GHR: variants seen among roughly 807,000 people sequenced by gnomAD.
The protein encoded by GHR is growth hormone receptor.
Under a neutral mutation model 67.1 loss-of-function variants are expected in GHR, and 35 were observed. The ratio of observed to expected loss-of-function variants is 0.52; its 90% CI spans 0.40 to 0.69. The LOEUF is 0.69. Ranked by LOEUF, GHR falls within the 30% of genes least tolerant of loss-of-function variation. GHR has a pLI of 0.00. For synonymous variants in GHR, 272 were observed against 269.1 expected (o/e 1.01, Z -0.10); for missense variants, 792 against 764.6 (o/e 1.04, Z -0.42).
intron 1 of GHR, chr5:42,548,141 A>C: frequency 1.0e-6 from 1 of 984,538 alleles, no homozygotes; most frequent in Non-Finnish European, 1.2e-6. Context: ...CCAGAGATGT[A>C]CTGGGCAAAG....
rs1324152930 is a variant in GHR, at chr5:42,424,710, G to C, written c.-12+755G>C. ...AACTGCCAGAGGCTGCGGGTCAATGGGGTGGCCGCGTGTCTAGGGAGAGGG... is the reference window on the plus strand; with the variant it reads ...AACTGCCAGAGGCTGCGGGTCAATGCGGTGGCCGCGTGTCTAGGGAGAGGG... On this transcript the variant is annotated intron_variant, in intron 1 of 9. Coordinates refer to ENST00000230882, the MANE Select transcript of GHR (RefSeq NM_000163.5). This position sits in a 1 kb window ranked among gnomAD's most constrained non-coding sequence, Gnocchi z 4.1. 2.8e-6 allele frequency: 3 copies of C among 1,088,852 alleles called. No homozygotes were observed. Among genetic ancestry groups the C allele is most frequent in the Non-Finnish European group, 2.7e-6 (2 of 738,460 alleles). The allele number at this position is 1,088,852 out of a possible 1,614,324, so 67.4% of individuals were successfully genotyped here.
Position 42,712,384 on chromosome 5 carries a change from CAT to C in GHR, c.784+1017_784+1018del, listed in dbSNP as rs538740947. ...GTGTAGTGGCATTTAATTCACTTAACATATATTTTTTAAACTGCCTTTTCCTT... is the reference window on the plus strand; with the variant it reads ...GTGTAGTGGCATTTAATTCACTTAACATATTTTTTAAACTGCCTTTTCCTT... On this transcript the variant is annotated intron_variant, in intron 7 of 9. Transcript: ENST00000230882. Among the ~76,000 whole-genome samples the C allele has an allele frequency of 2.6e-5, 4 of 152,124 alleles. No homozygotes were observed. In the South Asian group the frequency reaches 8.3e-4, roughly 32 times the overall value.
rs144927116 is a variant in GHR at position 42,702,856 on chromosome 5, A to T, written c.618+2854A>T. Among the ~76,000 whole-genome samples the T allele has an allele frequency of 1.6e-3, 245 of 152,028 alleles. 2 individuals carry two copies. Among genetic ancestry groups the T allele is most frequent in the African/African-American group, 5.5e-3 (228 of 41,514 alleles). ...TTTCATATACCTGTTGGCCATTTCTATATCTTCTTTTTAAAAATTTATATT... is the reference window on the plus strand; with the variant it reads ...TTTCATATACCTGTTGGCCATTTCTTTATCTTCTTTTTAAAAATTTATATT... On this transcript the variant is annotated intron_variant, in intron 6 of 9. Coordinates refer to ENST00000230882, the MANE Select transcript of GHR (RefSeq NM_000163.5).
intron 3 of GHR, among the ~76,000 whole-genome samples, chr5:42,638,418 A>G (rs750733755): frequency 6.6e-6 from 1 of 152,228 alleles, no homozygotes; most frequent in Non-Finnish European, 1.5e-5. Flanking sequence ...TAAGAAATGC[A>G]TAATTAGGTA....
intron 3 of GHR, among the ~76,000 whole-genome samples, chr5:42,676,734 C>T (rs1027553510): frequency 2.6e-5 from 4 of 152,200 alleles, no homozygotes; most frequent in African/African-American, 9.7e-5. Context: ...GCAGCATCCA[C>T]TCAGGACAGG....
At chr5:42,685,146 G>A (rs1327312909) in intron 3 of GHR, among the ~76,000 whole-genome samples, 6 of 151,946 alleles carry the variant, frequency 3.9e-5, no homozygotes, top group African/African-American at 1.5e-4. Context: ...CCCTGTGTAT[G>A]TGTGTTCTCA....
rs141451371 is a variant in GHR, at chr5:42,701,165, C to T, written c.618+1163C>T. ...ATACACTAAAATATTATTTTATTAA[C>T]TATGTTGAAATTTAACTTAATGGCA... On this transcript the variant is annotated intron_variant, in intron 6 of 9. Coordinates refer to ENST00000230882, the MANE Select transcript of GHR (RefSeq NM_000163.5). Among the ~76,000 whole-genome samples the T allele has an allele frequency of 8.5e-5, 13 of 152,218 alleles. 3 individuals are homozygous for T. Among genetic ancestry groups the T allele is most frequent in the African/African-American group, 3.1e-4 (13 of 41,532 alleles).
chr5:42,721,425 T>A lies in GHR; in HGVS notation c.*2001T>A, dbSNP rs999616613. On this transcript the variant is annotated 3_prime_UTR_variant, in exon 10 of 10. Coordinates refer to ENST00000230882, the MANE Select transcript of GHR (RefSeq NM_000163.5). ...ATGGCTGATAATTTTAAATTCTCTCTCTTGCAGGAAGGACTATGAAAAGCT... is the reference window on the plus strand; with the variant it reads ...ATGGCTGATAATTTTAAATTCTCTCACTTGCAGGAAGGACTATGAAAAGCT... 6.6e-6 allele frequency: 1 copy of A among 152,318 alleles called. No individual in the cohort carries two copies. Among genetic ancestry groups the A allele is most frequent in the Non-Finnish European group, 1.5e-5 (1 of 68,034 alleles). The allele number at this position is 152,318 out of a possible 1,614,324, so 9.4% of individuals were successfully genotyped here. A position where few individuals can be genotyped will look rare whatever the true frequency, so the allele number is the denominator to read the frequency against.
At chr5:42,589,667 G>C (rs964012522) in intron 2 of GHR, among the ~76,000 whole-genome samples, 2 of 152,068 alleles carry the variant, frequency 1.3e-5, no homozygotes, top group African/African-American at 4.8e-5. Flanking sequence ...TTTTCTTTTA[G>C]TGCATTGTGA....
intron 1 of GHR, among the ~76,000 whole-genome samples, chr5:42,457,094 T>C (rs1287543693): frequency 2.6e-5 from 4 of 152,192 alleles, no homozygotes; most frequent in African/African-American, 9.6e-5. Context: ...TGATTTACTG[T>C]GGGAAGTCTC....
chr5:42,475,906 A>AT (rs1355302877), intron 1 of GHR, among the ~76,000 whole-genome samples: 16 of 137,768 alleles, frequency 1.2e-4, no homozygotes, highest in Admixed American at 5.0e-4. Context: ...TCAGATTAAA[A>AT]ATTTTTTTTT....
intron 3 of GHR, chr5:42,647,648 C>T (rs1177856365): frequency 1.8e-5 from 8 of 448,430 alleles, no homozygotes; most frequent in Non-Finnish European, 3.6e-5. Context: ...TCATTTACTT[C>T]TAGGAGTCTT....
chr5:42,647,093 A>G (rs972105706), intron 3 of GHR, among the ~76,000 whole-genome samples: 13 of 152,186 alleles, frequency 8.5e-5, no homozygotes, highest in Non-Finnish European at 4.4e-5. Flanking sequence ...AGCTTTGACT[A>G]TAATTATAGT....
chr5:42,495,866 A>G (rs556546200), intron 1 of GHR, among the ~76,000 whole-genome samples: 85 of 152,286 alleles, frequency 5.6e-4, no homozygotes, highest in African/African-American at 2.0e-3. Flanking sequence ...GGCCATCATG[A>G]AAAACTTTCC....
intron 2 of GHR, among the ~76,000 whole-genome samples, chr5:42,585,283 T>C (rs886456998): frequency 3.3e-5 from 5 of 152,258 alleles, no homozygotes; most frequent in South Asian, 2.1e-4. Flanking sequence ...TTCTTTCTTG[T>C]AGTTTTTCTG....
chr5:42,602,930 T>C (rs1184390188), intron 2 of GHR, among the ~76,000 whole-genome samples: 1 of 152,180 alleles, frequency 6.6e-6, no homozygotes, highest in Admixed American at 6.5e-5. Flanking sequence ...ACTGTTATAG[T>C]AATACAGTAT....
At chr5:42,623,831 A>G (rs1374326580) in intron 2 of GHR, among the ~76,000 whole-genome samples, 2 of 152,196 alleles carry the variant, frequency 1.3e-5, no homozygotes, top group Non-Finnish European at 2.9e-5. Flanking sequence ...GATCATAACC[A>G]AGACCACAGT....
chr5:42,453,243 G>A (rs67871277), intron 1 of GHR, among the ~76,000 whole-genome samples: 26,734 of 151,942 alleles, frequency 0.18, 2,650 homozygotes, highest in Non-Finnish European at 0.21. Context: ...TGAATTCTCT[G>A]TCTCCTGTGA....
intron 1 of GHR, among the ~76,000 whole-genome samples, chr5:42,435,564 A>C (rs1415781766): frequency 6.6e-6 from 1 of 152,148 alleles, no homozygotes; most frequent in Non-Finnish European, 1.5e-5. Flanking sequence ...AAGTTGCAAA[A>C]ATTTTAGAGG....
Sources: gnomAD v4.1 joint callset for allele counts (sites outside exome capture counted in the v4.1 genomes callset) on GRCh38, gnomAD v4.1.1 for gene constraint, Gnocchi (gnomAD v3.1) non-coding constraint, MANE v1.5 for transcripts, NCBI Gene and HGNC (gene_info 2026-07-23, HGNC 2026-07-21) for gene names.